CALCRL: variants seen among roughly 807,000 people sequenced by gnomAD.
CALCRL encodes calcitonin receptor like receptor, also known as calcitonin gene-related peptide type 1 receptor.
CALCRL carries 27 observed loss-of-function variants against 60.4 expected under a neutral mutation model. The ratio of observed to expected loss-of-function variants is 0.45; its 90% CI spans 0.33 to 0.62. CALCRL has a LOEUF of 0.62. CALCRL is among the 20% of genes least tolerant of loss of function. The pLI is 0.03. For synonymous variants in CALCRL, 190 were observed against 182.6 expected, an observed-to-expected ratio of 1.04 and a Z score of -0.33; for missense variants, 424 against 540.7, an observed-to-expected ratio of 0.78 and a Z score of 2.14.
In CALCRL at chr2:187,389,296, C is replaced by T. The variant is rs775638869; in HGVS notation, c.-292-1540G>A. Among the ~76,000 whole-genome samples, 77 of 152,178 alleles carry T rather than the reference C, an allele frequency of 5.1e-4. 1 individual carries two copies. Among genetic ancestry groups the T allele is most frequent in the Admixed American group, 1.1e-3 (17 of 15,282 alleles). On this transcript the variant is annotated intron_variant, in intron 1 of 14. Coordinates refer to ENST00000392370, the MANE Select transcript of CALCRL (RefSeq NM_005795.6). ...CCATGTTGGCCAGGCTGGTCGCAAA[C>T]TCCTGAGCTCAGGTGATCCACCCGC...
intron 8 of CALCRL, among the ~76,000 whole-genome samples, chr2:187,377,221 C>T (rs973034808): frequency 6.6e-6 from 1 of 152,000 alleles, no homozygotes; most frequent in Non-Finnish European, 1.5e-5. Flanking sequence ...ATTCTGGCTG[C>T]CTTGGTTAGA....
chr2:187,426,337 A>G (rs952040648), intron 1 of CALCRL, among the ~76,000 whole-genome samples: 12 of 151,956 alleles, frequency 7.9e-5, no homozygotes, highest in Admixed American at 5.9e-4. Context: ...ATGTTTTGCA[A>G]CAAAATTTGT....
intron 1 of CALCRL, among the ~76,000 whole-genome samples, chr2:187,435,042 A>C (rs559528106): frequency 2.6e-5 from 4 of 152,248 alleles, no homozygotes; most frequent in Non-Finnish European, 2.9e-5. Context: ...CATGATGGAC[A>C]ATCTTGGGTC....
At chr2:187,360,555 TC>T in intron 10 of CALCRL, 42 bp downstream of exon 10, 2 of 1,529,346 alleles carry the variant, frequency 1.3e-6, no homozygotes, top group Non-Finnish European at 1.8e-6. Context: ...TCCAAAGGCT[TC>T]TTTAATCCAC....
At chr2:187,359,038 A>G in intron 12 of CALCRL, 25 bp downstream of exon 12, 2 of 1,573,636 alleles carry the variant, frequency 1.3e-6, no homozygotes, top group Non-Finnish European at 1.7e-6. Context: ...GAGCAATGAT[A>G]AGGAAAGGAG....
intron 12 of CALCRL, among the ~76,000 whole-genome samples, chr2:187,356,573 T>C (rs1157826248): frequency 6.6e-6 from 1 of 152,052 alleles, no homozygotes; most frequent in Non-Finnish European, 1.5e-5. Context: ...AGCGAGGCAA[T>C]ATCATTCAGG....
At chr2:187,350,708 A>G (rs1414752289) in intron 14 of CALCRL, among the ~76,000 whole-genome samples, 1 of 151,754 alleles carries the variant, frequency 6.6e-6, no homozygotes, top group Non-Finnish European at 1.5e-5. Flanking sequence ...AACATGTTAT[A>G]GTTTTTCATG....
At chr2:187,346,572 A>G (rs780066182) in intron 14 of CALCRL, among the ~76,000 whole-genome samples, 173 bp from the exon 15 acceptor site, 2 of 151,850 alleles carry the variant, frequency 1.3e-5, no homozygotes, top group African/African-American at 2.4e-5. Context: ...TAAGTGTACC[A>G]TCTTCACATT....
chr2:187,379,031 T>C lies in CALCRL; in HGVS notation c.409A>G (p.Thr137Ala), dbSNP rs149111280. The change falls in exon 8 of 15, where the codon ACT (threonine) becomes GCT (alanine). Residue 137 changes from threonine (T) to alanine (A), a missense_variant and splice_region_variant. Around this residue, in one of 7 missense-constraint regions of CALCRL, gnomAD observed 43 missense variants for 46.6 expected, o/e 0.92. Transcript: ENST00000392370. Reference sequence around the variant, plus strand: ...GTCAGGTAAAACAAATTTAGTGCAGTCTGTAATTTGTATAAACAAAAAAAT... The same window carrying C: ...GTCAGGTAAAACAAATTTAGTGCAGCCTGTAATTTGTATAAACAAAAAAAT... ...CNVNTHEKVKTALNLFYLTII... is the reference protein window; with the variant it reads ...CNVNTHEKVKAALNLFYLTII... 11 of 1,590,622 alleles carry C rather than the reference T, an allele frequency of 6.9e-6. No individual in the cohort carries two copies. The African/African-American group carries it at 1.3e-4, about 19-fold the overall frequency.
At chr2:187,349,461 A>G (rs1686428678) in intron 14 of CALCRL, among the ~76,000 whole-genome samples, 1 of 151,740 alleles carries the variant, frequency 6.6e-6, no homozygotes, top group African/African-American at 2.4e-5. Flanking sequence ...TTGGAACAAA[A>G]TGAATTTGGC....
chr2:187,387,077 A>G (rs1688237865), intron 3 of CALCRL, among the ~76,000 whole-genome samples: 1 of 152,218 alleles, frequency 6.6e-6, no homozygotes, highest in African/African-American at 2.4e-5. Flanking sequence ...TGAACACGCA[A>G]ACAATATTTT....
intron 12 of CALCRL, among the ~76,000 whole-genome samples, chr2:187,355,093 C>A (rs1264711213): frequency 6.6e-6 from 1 of 151,992 alleles, no homozygotes; most frequent in Non-Finnish European, 1.5e-5. Context: ...ACTAACTGTG[C>A]CAGATCACTT....
chr2:187,423,503 A>G (rs530579626), intron 1 of CALCRL, among the ~76,000 whole-genome samples: 1 of 151,970 alleles, frequency 6.6e-6, no homozygotes. Context: ...CCTTAATAGG[A>G]TATTATTGAG....
At chr2:187,398,595 C>A (rs889009543) in intron 1 of CALCRL, among the ~76,000 whole-genome samples, 1 of 151,544 alleles carries the variant, frequency 6.6e-6, no homozygotes, top group African/African-American at 2.4e-5. Context: ...AGACCTCCCT[C>A]TTGATCACTG....
intron 1 of CALCRL, among the ~76,000 whole-genome samples, chr2:187,409,384 C>G (rs1471618897): frequency 1.3e-5 from 2 of 152,098 alleles, no homozygotes; most frequent in African/African-American, 4.8e-5. Context: ...ATACTAGGCT[C>G]AAATAACTGT....
At chr2:187,389,828 G>A (rs1455449780) in intron 1 of CALCRL, among the ~76,000 whole-genome samples, 5 of 151,856 alleles carry the variant, frequency 3.3e-5, no homozygotes, top group East Asian at 1.9e-4. Context: ...CTTTATCTAC[G>A]AATTTATTGG....
chr2:187,346,123 A>C lies in CALCRL; in HGVS notation c.*61T>G. 1 of 1,035,962 alleles carries C rather than the reference A, an allele frequency of 9.7e-7. No homozygotes were observed. The allele number at this position is 1,035,962 out of a possible 1,614,324, so 64.2% of individuals were successfully genotyped here. A position where few individuals can be genotyped will look rare whatever the true frequency, so the allele number is the denominator to read the frequency against. ...ATTGAAGTCTTCTGGCTACAGAGTCATGGGTCCAAGTCCTTGAGTTAGGAG... is the reference window on the plus strand; with the variant it reads ...ATTGAAGTCTTCTGGCTACAGAGTCCTGGGTCCAAGTCCTTGAGTTAGGAG... On this transcript the variant is annotated 3_prime_UTR_variant, in exon 15 of 15. Transcript: ENST00000392370.
intron 1 of CALCRL, among the ~76,000 whole-genome samples, chr2:187,447,159 T>C (rs1293948192): frequency 1.7e-4 from 26 of 152,044 alleles, no homozygotes. Flanking sequence ...AGTTCCATCC[T>C]GGAAATTCTT....
At chr2:187,379,407 T>C (rs550069017) in intron 7 of CALCRL, among the ~76,000 whole-genome samples, 1 of 152,244 alleles carries the variant, frequency 6.6e-6, no homozygotes, top group African/African-American at 2.4e-5. Context: ...ATTTGTTTTG[T>C]TCAGATGTAA....
Sources: gnomAD v4.1 joint callset for allele counts (sites outside exome capture counted in the v4.1 genomes callset) on GRCh38, gnomAD v4.1.1 for gene constraint, gnomAD v4.1.1 regional missense constraint, MANE v1.5 for transcripts, NCBI Gene and HGNC (gene_info 2026-07-23, HGNC 2026-07-21) for gene names.